Variants in PTPRD observed in about 807,000 individuals in gnomAD.
PTPRD encodes protein tyrosine phosphatase receptor type D.
PTPRD carries 34 observed loss-of-function variants against 214.5 expected under a neutral mutation model. That is an observed-to-expected ratio of 0.16 (90% CI 0.12 to 0.21). The LOEUF is 0.21. Ranked by LOEUF, PTPRD falls within the 10% of genes least tolerant of loss-of-function variation. The pLI is 1.00. For missense variants in PTPRD, 2,545 were observed against 2,398.7 expected (o/e 1.06, Z -1.27); for synonymous variants, 1,128 against 845.7 (o/e 1.33, Z -5.79).
At chr9:10,050,558 T>TAAAA (rs2097514215) in intron 3 of PTPRD, among the ~76,000 whole-genome samples, 1 of 10,626 alleles carries the variant, frequency 9.4e-5, no homozygotes, top group Non-Finnish European at 1.5e-4. Flanking sequence ...AGAGTCTGTC[T>TAAAA]CAAAAAAAAA....
intron 14 of PTPRD, among the ~76,000 whole-genome samples, chr9:8,572,027 GC>G (rs2091287115): frequency 6.6e-6 from 1 of 152,050 alleles, no homozygotes. Context: ...AGATATTAAA[GC>G]CAAAATGTGG....
chr9:8,953,081 T>TA (rs2099112016), intron 11 of PTPRD, among the ~76,000 whole-genome samples: 1 of 151,034 alleles, frequency 6.6e-6, no homozygotes. Context: ...TTTTTTTTTT[T>TA]AGATAAAATA....
chr9:9,928,860 T>C (rs2085323108), intron 5 of PTPRD, among the ~76,000 whole-genome samples: 1 of 152,090 alleles, frequency 6.6e-6, no homozygotes, highest in Admixed American at 6.6e-5. Flanking sequence ...TTTGGTAAGC[T>C]ATTATTTCAC....
intron 7 of PTPRD, among the ~76,000 whole-genome samples, chr9:9,621,841 G>A (rs1052218178): frequency 1.3e-5 from 2 of 152,258 alleles, no homozygotes; most frequent in East Asian, 1.9e-4. Flanking sequence ...TGCCTGTGGT[G>A]TTCTGGACAG....
At chr9:9,536,574 G>T (rs1325978946) in intron 8 of PTPRD, among the ~76,000 whole-genome samples, 1 of 151,970 alleles carries the variant, frequency 6.6e-6, no homozygotes, top group African/African-American at 2.4e-5. Context: ...CAAACTCACT[G>T]GGCTGGACAG....
chr9:8,410,055 T>C (rs775170702), intron 35 of PTPRD, among the ~76,000 whole-genome samples: 10 of 152,222 alleles, frequency 6.6e-5, no homozygotes, highest in Non-Finnish European at 1.5e-4. Context: ...CCATTCACTG[T>C]GTATTCTGCA....
intron 3 of PTPRD, among the ~76,000 whole-genome samples, chr9:10,288,906 A>T (rs577907209): frequency 6.6e-5 from 10 of 152,276 alleles, no homozygotes; most frequent in African/African-American, 2.4e-4. Flanking sequence ...CCTTGCTATC[A>T]TCTGTACTTA....
At chr9:9,192,089 C>G (rs1260876499) in intron 9 of PTPRD, among the ~76,000 whole-genome samples, 1 of 151,920 alleles carries the variant, frequency 6.6e-6, no homozygotes, top group Non-Finnish European at 1.5e-5. Flanking sequence ...GACTTTCAGG[C>G]TATTTTGAGT....
At chr9:10,471,360 G>C (rs1485857559) in intron 2 of PTPRD, among the ~76,000 whole-genome samples, 1 of 152,078 alleles carries the variant, frequency 6.6e-6, no homozygotes, top group East Asian at 1.9e-4. Context: ...TGGGGGTCAT[G>C]GGTGTCAGCT....
chr9:10,261,087 A>AT (rs2093670858), intron 3 of PTPRD, among the ~76,000 whole-genome samples: 9 of 147,446 alleles, frequency 6.1e-5, no homozygotes, highest in South Asian at 2.1e-4. Flanking sequence ...GTGTGTATAT[A>AT]TATATATATA....
intron 2 of PTPRD, among the ~76,000 whole-genome samples, chr9:10,587,570 T>G (rs1397847835): frequency 6.6e-6 from 1 of 152,082 alleles, no homozygotes; most frequent in Non-Finnish European, 1.5e-5. Flanking sequence ...TTGTTAAAAA[T>G]ACCTGATCCA....
Position 9,990,995 on chromosome 9 carries a change from C to T in PTPRD, c.-472+42723G>A, listed in dbSNP as rs558151681. On this transcript the variant is annotated intron_variant, in intron 4 of 45. Transcript: ENST00000381196. ...TGCTGCCCAGGCTGCAGTGCAGTGG[C>T]GTGATCTCGGCTCACAACAACCTCT... Among the ~76,000 whole-genome samples, 218 of 147,356 alleles carry T rather than the reference C, an allele frequency of 1.5e-3. 1 individual carries two copies. The highest frequency in any genetic ancestry group is 5.0e-3 in the African/African-American group (200 of 39,818).
At position 8,427,528 on chromosome 9, in the gene PTPRD, C is replaced by T. The variant is rs112791102; in HGVS notation, c.4086+9064G>A. On this transcript the variant is annotated intron_variant, in intron 35 of 45. Coordinates refer to ENST00000381196, the MANE Select transcript of PTPRD (RefSeq NM_002839.4). The stretch of plus-strand genomic sequence containing the variant: ...GCCAACAGCATACCGAGAGGCCAGA[C>T]ACCTGACCAAAACACCTGACCCAGA... 2.9e-3 allele frequency among the ~76,000 whole-genome samples: 435 copies of T among 152,176 alleles called. 1 individual carries two copies. Among genetic ancestry groups the T allele is most frequent in the African/African-American group, 0.01 (426 of 41,512 alleles).
At chr9:9,391,520 T>C (rs1334573499) in intron 9 of PTPRD, among the ~76,000 whole-genome samples, 4 of 152,164 alleles carry the variant, frequency 2.6e-5, no homozygotes, top group African/African-American at 9.7e-5. Flanking sequence ...AATTTGCATA[T>C]ACAATGATTT....
At position 9,578,045 on chromosome 9, in the gene PTPRD, C is replaced by A. The variant is rs1316474182; in HGVS notation, c.-286-3264G>T. On this transcript the variant is annotated intron_variant, in intron 7 of 45. Coordinates refer to ENST00000381196, the MANE Select transcript of PTPRD (RefSeq NM_002839.4). Reference sequence around the variant, plus strand: ...TTGGTGACAGAGTAAGACTCTGTCTCAAAAAAAAAAAAAAAAAAAAAAAAA... The same window carrying A: ...TTGGTGACAGAGTAAGACTCTGTCTAAAAAAAAAAAAAAAAAAAAAAAAAA... 2.5e-4 allele frequency among the ~76,000 whole-genome samples: 26 copies of A among 102,380 alleles called. 1 individual carries two copies. Among genetic ancestry groups the A allele is most frequent in the African/African-American group, 3.4e-4 (9 of 26,118 alleles). 67.2% of individuals were successfully genotyped at this position (102,380 alleles called of 152,430 possible). A position where few individuals can be genotyped will look rare whatever the true frequency, so the allele number is the denominator to read the frequency against.
At chr9:9,911,101 T>C (rs891128267) in intron 5 of PTPRD, among the ~76,000 whole-genome samples, 1 of 152,052 alleles carries the variant, frequency 6.6e-6, no homozygotes, top group African/African-American at 2.4e-5. Flanking sequence ...GCTCCTGTTC[T>C]TTGGTTTATT....
intron 4 of PTPRD, among the ~76,000 whole-genome samples, chr9:9,980,242 A>G (rs1473950383): frequency 6.6e-6 from 1 of 152,112 alleles, no homozygotes; most frequent in Non-Finnish European, 1.5e-5. Flanking sequence ...AAAACCAATG[A>G]GTGATTTTTA....
At chr9:10,293,451 G>A (rs1233644637) in intron 3 of PTPRD, among the ~76,000 whole-genome samples, 1 of 151,784 alleles carries the variant, frequency 6.6e-6, no homozygotes, top group Non-Finnish European at 1.5e-5. Flanking sequence ...ATTTACTGTA[G>A]ATTCTTCAGA....
chr9:10,603,464 T>C (rs1440208073), intron 2 of PTPRD, among the ~76,000 whole-genome samples: 1 of 152,048 alleles, frequency 6.6e-6, no homozygotes, highest in Admixed American at 6.6e-5. Flanking sequence ...TCTCACACTT[T>C]TTCTGCTTTT....
Sources: gnomAD v4.1 joint callset for allele counts (sites outside exome capture counted in the v4.1 genomes callset) on GRCh38, gnomAD v4.1.1 for gene constraint, MANE v1.5 for transcripts, NCBI Gene and HGNC (gene_info 2026-07-23, HGNC 2026-07-21) for gene names.